PI4KA: variants seen among roughly 807,000 people sequenced by gnomAD.
PI4KA encodes the protein phosphatidylinositol 4-kinase alpha.
In PI4KA, 122 loss-of-function variants were observed where a neutral mutation model predicts 271.4. The ratio of observed to expected loss-of-function variants is 0.45; its 90% CI spans 0.39 to 0.52. The LOEUF (loss-of-function observed/expected upper bound fraction) is 0.52, where lower values mean the gene tolerates loss of function less well. PI4KA is among the 20% of genes least tolerant of loss of function. The pLI, the probability that PI4KA is intolerant of heterozygous loss-of-function variation, is 0.00. For synonymous variants in PI4KA, 1,041 were observed against 1,078.8 expected (o/e 0.96, Z 0.69); for missense variants, 1,969 against 2,769.1 (o/e 0.71, Z 6.48).
rs749974558 is a variant in PI4KA, at chr22:20,824,424, G to GT, written c.368-11dup. ...GCAACCGGGAGGGCACCTGGAAGAT[G>GT]TAAAAACATAAATCAGATAACCAGG... On this transcript the variant is annotated splice_polypyrimidine_tract_variant and intron_variant, in intron 3 of 54. Coordinates refer to ENST00000255882, the MANE Select transcript of PI4KA (RefSeq NM_058004.4). 6.2e-7 allele frequency: 1 copy of GT among 1,600,494 alleles called. No homozygotes were observed. Among genetic ancestry groups the GT allele is most frequent in the Admixed American group, 1.7e-5 (1 of 59,310 alleles).
intron 19 of PI4KA, among the ~76,000 whole-genome samples, chr22:20,782,163 A>G (rs886470864): frequency 2.0e-5 from 3 of 152,192 alleles, no homozygotes; most frequent in African/African-American, 7.2e-5. Flanking sequence ...GAGCCCCCCA[A>G]GTACACCAAA....
chr22:20,851,315 A>G (rs1268103649), intron 1 of PI4KA, among the ~76,000 whole-genome samples: 10 of 151,930 alleles, frequency 6.6e-5, no homozygotes. Flanking sequence ...TGCTTTCATA[A>G]TAGTATAGCC....
Position 20,799,746 on chromosome 22 carries a change from G to A in PI4KA, c.1745C>T (p.Thr582Met), listed in dbSNP as rs770008397. The change falls in exon 15 of 55, where the codon ACG (threonine) becomes ATG (methionine). Residue 582 changes from threonine to methionine, a missense_variant. Physicochemically the swap from Thr to Met is moderately conservative, Grantham distance 81 (BLOSUM62 -1). Around this residue, in one of 13 missense-constraint regions of PI4KA, gnomAD observed 228 missense variants for 261.6 expected, o/e 0.87. Coordinates refer to ENST00000255882, the MANE Select transcript of PI4KA (RefSeq NM_058004.4). Reference sequence around the variant, plus strand: ...CGCCTCCACAATCACTGGGTCCACCGTCAATCCAGCCTTCAGGCACCTGAG... The same window carrying A: ...CGCCTCCACAATCACTGGGTCCACCATCAATCCAGCCTTCAGGCACCTGAG... ...NICRCLKAGL[T>M]VDPVIVEAFL... 146 of 1,552,086 alleles carry A rather than the reference G, an allele frequency of 9.4e-5. No homozygotes were observed. The highest frequency in any genetic ancestry group is 3.3e-4 in the Middle Eastern group (2 of 6,014).
At chr22:20,743,230 C>A (rs1929672481) in intron 30 of PI4KA, among the ~76,000 whole-genome samples, 1 of 152,136 alleles carries the variant, frequency 6.6e-6, no homozygotes, top group Non-Finnish European at 1.5e-5. Flanking sequence ...AGTGCAACCT[C>A]CGCCTCCTGG....
intron 1 of PI4KA, among the ~76,000 whole-genome samples, chr22:20,841,132 G>C (rs568538106): frequency 3.3e-5 from 5 of 152,058 alleles, no homozygotes; most frequent in Non-Finnish European, 4.4e-5. Context: ...CGCCCACCTC[G>C]GCCTCCCAGA....
intron 19 of PI4KA, among the ~76,000 whole-genome samples, chr22:20,789,190 A>G (rs1219187501): frequency 1.3e-5 from 2 of 152,190 alleles, no homozygotes; most frequent in Non-Finnish European, 2.9e-5. Context: ...TCTAGTAGCT[A>G]TGAAACTCTA....
chr22:20,753,053 C>A, intron 24 of PI4KA, 26 bp from the exon 25 acceptor site: 1 of 1,614,202 alleles, frequency 6.2e-7, no homozygotes, highest in Non-Finnish European at 8.5e-7. Flanking sequence ...AAACAGGTAC[C>A]GCAGTGCCCC....
At chr22:20,781,525 G>C (rs1933798532) in intron 19 of PI4KA, among the ~76,000 whole-genome samples, 1 of 152,242 alleles carries the variant, frequency 6.6e-6, no homozygotes, top group Non-Finnish European at 1.5e-5. Flanking sequence ...AGCCCCTCCT[G>C]ATCTGTCCAC....
intron 3 of PI4KA, among the ~76,000 whole-genome samples, chr22:20,829,473 T>A (rs916953140): frequency 2.6e-5 from 4 of 152,232 alleles, no homozygotes; most frequent in Non-Finnish European, 2.9e-5. Flanking sequence ...GTTGGGTTTT[T>A]TTATTATTAT....
At chr22:20,757,516 C>G (rs1931439603) in intron 23 of PI4KA, among the ~76,000 whole-genome samples, 1 of 151,924 alleles carries the variant, frequency 6.6e-6, no homozygotes, top group South Asian at 2.1e-4. Context: ...TGAATATTCT[C>G]TAGAAGGCTG....
At chr22:20,837,137 C>T (rs947533995) in intron 2 of PI4KA, among the ~76,000 whole-genome samples, 3 of 152,060 alleles carry the variant, frequency 2.0e-5, no homozygotes, top group African/African-American at 7.3e-5. Context: ...GCCTGTAATC[C>T]CAGCACTTTG....
rs926920914 is a variant in PI4KA at position 20,782,867 on chromosome 22, G to A, written c.2328+10326C>T. On this transcript the variant is annotated intron_variant, in intron 19 of 54. Transcript: ENST00000255882. ...GGGTGAGGCAGACTCAGGGAGAAGG[G>A]AATCGAGCTTCACTCACAGGCAGGC... Among the ~76,000 whole-genome samples, 25 of 152,126 alleles carry A rather than the reference G, an allele frequency of 1.6e-4. 1 individual carries two copies. Among genetic ancestry groups the A allele is most frequent in the Admixed American group, 5.2e-4 (8 of 15,280 alleles).
At chr22:20,776,941 A>G (rs1240651728) in intron 19 of PI4KA, among the ~76,000 whole-genome samples, 2 of 152,194 alleles carry the variant, frequency 1.3e-5, no homozygotes, top group African/African-American at 4.8e-5. Flanking sequence ...AGTAACTCTT[A>G]CCTGGCCTCA....
At chr22:20,794,398 T>C (rs1277835896) in intron 18 of PI4KA, among the ~76,000 whole-genome samples, 1 of 152,262 alleles carries the variant, frequency 6.6e-6, no homozygotes, top group Non-Finnish European at 1.5e-5. Context: ...CCCACTCTTA[T>C]CCTGATGCCT....
chr22:20,842,662 A>T lies in PI4KA; in HGVS notation c.157-3931T>A, dbSNP rs149190243. On this transcript the variant is annotated intron_variant, in intron 1 of 54. Transcript: ENST00000255882. ...ACTCCATCTCTACTAAAAATACAAA[A>T]ATCAGCCAGGTGTGGTGGCCTGGGC... Among the ~76,000 whole-genome samples, 1,364 of 151,886 alleles carry T rather than the reference A, an allele frequency of 9.0e-3. 20 individuals carry two copies. The highest frequency in any genetic ancestry group is 0.032 in the African/African-American group (1,304 of 41,386).
intron 19 of PI4KA, among the ~76,000 whole-genome samples, chr22:20,786,639 C>T (rs192425737): frequency 3.9e-5 from 6 of 152,144 alleles, no homozygotes; most frequent in South Asian, 2.1e-4. Flanking sequence ...CCAGCCCCCA[C>T]GACCCTCAGA....
At chr22:20,757,551 C>T (rs1244350023) in intron 23 of PI4KA, among the ~76,000 whole-genome samples, 1 of 146,400 alleles carries the variant, frequency 6.8e-6, no homozygotes, top group African/African-American at 2.5e-5. Context: ...GTTCTCCTTC[C>T]TTTTTTTTTT....
chr22:20,744,877 T>A (rs1226055308), intron 29 of PI4KA, among the ~76,000 whole-genome samples, 157 bp from the exon 30 acceptor site: 1 of 152,022 alleles, frequency 6.6e-6, no homozygotes, highest in Non-Finnish European at 1.5e-5. Flanking sequence ...AAGCAAAATA[T>A]TTTAGAATAC....
At chr22:20,729,586 C>T (rs1453102046) in intron 38 of PI4KA, 46 bp downstream of exon 38, 1 of 1,552,220 alleles carries the variant, frequency 6.4e-7, no homozygotes, top group Admixed American at 1.9e-5. Context: ...AGGTGTCGTA[C>T]AGGCAGGTGG....
Sources: gnomAD v4.1 joint callset for allele counts (sites outside exome capture counted in the v4.1 genomes callset) on GRCh38, gnomAD v4.1.1 for gene constraint, gnomAD v4.1.1 regional missense constraint, MANE v1.5 for transcripts, NCBI Gene and HGNC (gene_info 2026-07-23, HGNC 2026-07-21) for gene names.